The following BCO1 variants were observed in gnomAD, a reference collection of about 807,000 sequenced individuals.
BCO1 encodes the protein beta,beta-carotene 15,15'-dioxygenase.
BCO1 carries 54 observed loss-of-function variants against 56.3 expected under a neutral mutation model. The observed-to-expected ratio is 0.96, with a 90% CI of 0.77 to 1.20. The LOEUF (loss-of-function observed/expected upper bound fraction) is 1.20. BCO1 is among the 50% of genes most tolerant of loss of function. The probability of loss-of-function intolerance (pLI) is 0.00; values close to 1 mark genes in which losing one functional copy is unlikely to be tolerated. For missense variants in BCO1, 801 were observed against 690.9 expected, an observed-to-expected ratio of 1.16 and a Z score of -1.79; for synonymous variants, 318 against 266.1, an observed-to-expected ratio of 1.20 and a Z score of -1.90.
chr16:81,257,807 G>A lies in BCO1; in HGVS notation c.194-1869G>A, dbSNP rs1240152265. On this transcript the variant is annotated intron_variant, in intron 2 of 10. Coordinates refer to ENST00000258168, the MANE Select transcript of BCO1 (RefSeq NM_017429.3). ...AGGCAGGAGAATCTTTTGAACCAGA[G>A]AGGCTGAGCTTGCAGTGAGCCAAGA... 7.3e-5 allele frequency among the ~76,000 whole-genome samples: 11 copies of A among 151,146 alleles called. No individual in the cohort carries two copies. In the East Asian group the frequency reaches 2.2e-3, roughly 30 times the overall value.
At chr16:81,270,499 A>T in intron 7 of BCO1, 83 bp downstream of exon 7, 1 of 1,569,160 alleles carries the variant, frequency 6.4e-7, no homozygotes, top group East Asian at 2.2e-5. Context: ...TATTTGATTG[A>T]CATTGAAATC....
chr16:81,261,645 C>T (rs1462843801), intron 3 of BCO1, among the ~76,000 whole-genome samples: 1 of 152,180 alleles, frequency 6.6e-6, no homozygotes, highest in East Asian at 1.9e-4. Context: ...TCTTAGCTAA[C>T]TCAACGTGGA....
chr16:81,250,705 G>T, intron 2 of BCO1, among the ~76,000 whole-genome samples: 1 of 150,314 alleles, frequency 6.7e-6, no homozygotes, highest in Admixed American at 6.7e-5. Flanking sequence ...CTCGGCCTCT[G>T]GAGTAGCTAG....
intron 1 of BCO1, among the ~76,000 whole-genome samples, chr16:81,240,140 A>G (rs935553276): frequency 1.4e-4 from 22 of 151,766 alleles, no homozygotes; most frequent in Non-Finnish European, 4.4e-5. Flanking sequence ...ATCAATCTGT[A>G]TATATATATA....
chr16:81,241,045 G>C (rs1905082854), intron 1 of BCO1, among the ~76,000 whole-genome samples: 1 of 152,178 alleles, frequency 6.6e-6, no homozygotes, highest in East Asian at 1.9e-4. Flanking sequence ...TGTTGGTCAG[G>C]CTGGTCGCAA....
intron 2 of BCO1, among the ~76,000 whole-genome samples, chr16:81,246,488 C>T (rs1905424069): frequency 6.6e-6 from 1 of 152,026 alleles, no homozygotes; most frequent in Non-Finnish European, 1.5e-5. Context: ...TATACATCCT[C>T]AATCAGGTAG....
chr16:81,247,127 T>G (rs1357507534), intron 2 of BCO1, among the ~76,000 whole-genome samples: 1 of 152,162 alleles, frequency 6.6e-6, no homozygotes, highest in African/African-American at 2.4e-5. Flanking sequence ...CCAGGATGGA[T>G]TTAGCGGGCT....
chr16:81,252,886 A>G (rs1486039622), intron 2 of BCO1, among the ~76,000 whole-genome samples: 1 of 151,974 alleles, frequency 6.6e-6, no homozygotes, highest in Non-Finnish European at 1.5e-5. Flanking sequence ...TGCCCACCTC[A>G]CCACTTGAGG....
chr16:81,286,655 C>G (rs1908196829), intron 9 of BCO1, among the ~76,000 whole-genome samples: 1 of 151,522 alleles, frequency 6.6e-6, no homozygotes, highest in South Asian at 2.1e-4. Flanking sequence ...TCGAGACCAG[C>G]TTGGTCAACA....
At chr16:81,264,136 C>A in intron 4 of BCO1, 1 of 182,796 alleles carries the variant, frequency 5.5e-6, no homozygotes, top group Non-Finnish European at 1.2e-5. Context: ...CTCTCCATTC[C>A]CAGAATAATC....
Position 81,245,564 on chromosome 16 carries a change from G to C in BCO1, c.154G>C (p.Asp52His). The C allele has an allele frequency of 6.2e-7, 1 of 1,614,204 alleles. No individual in the cohort carries two copies. The change falls in exon 2 of 11, where the codon GAC (aspartate) becomes CAC (histidine). Residue 52 changes from aspartate to histidine, a missense_variant. Physicochemically the swap from Asp to His is moderately conservative, Grantham distance 81. Coordinates refer to ENST00000258168, the MANE Select transcript of BCO1 (RefSeq NM_017429.3). ...VGESRYNHWF[D>H]GLALLHSFTI... ...GGAGTCCAGATACAACCATTGGTTC[G>C]ACGGCCTTGCCCTGCTCCACAGCTT...
chr16:81,258,781 C>T (rs975562529), intron 2 of BCO1, among the ~76,000 whole-genome samples: 17 of 152,130 alleles, frequency 1.1e-4, no homozygotes, highest in South Asian at 2.1e-4. Context: ...TACCCAAGAC[C>T]GGGTAATTTA....
At chr16:81,259,610 A>G (rs1191253138) in intron 2 of BCO1, 66 bp from the exon 3 acceptor site, 8 of 1,607,748 alleles carry the variant, frequency 5.0e-6, no homozygotes, top group Admixed American at 1.7e-5. Flanking sequence ...CCATACAAGG[A>G]CTGACATTGA....
chr16:81,272,407 C>T (rs776086398), intron 7 of BCO1, among the ~76,000 whole-genome samples: 8 of 151,946 alleles, frequency 5.3e-5, no homozygotes, highest in South Asian at 2.1e-4. Context: ...CGTGAGCCAC[C>T]GCGCCCGGCC....
intron 9 of BCO1, among the ~76,000 whole-genome samples, chr16:81,285,891 A>G (rs1908152483): frequency 6.6e-6 from 1 of 152,170 alleles, no homozygotes. Context: ...AGCACCAATT[A>G]TGGGCTACAA....
intron 5 of BCO1, 38 bp from the exon 6 acceptor site, chr16:81,267,870 C>T (rs779858419): frequency 2.3e-5 from 36 of 1,589,140 alleles, no homozygotes; most frequent in Middle Eastern, 3.6e-4. Context: ...GCAGCCAGAT[C>T]CTGCACAATT....
chr16:81,245,453 T>G (rs1010321926), intron 1 of BCO1, 22 bp from the exon 2 acceptor site: 1 of 1,614,202 alleles, frequency 6.2e-7, no homozygotes, highest in Non-Finnish European at 8.5e-7. Flanking sequence ...AACGGGAAAC[T>G]AAACATTCTC....
intron 2 of BCO1, 52 bp from the exon 3 acceptor site, chr16:81,259,624 T>C (rs1253252742): frequency 1.9e-6 from 3 of 1,613,384 alleles, no homozygotes; most frequent in African/African-American, 2.7e-5. Flanking sequence ...ACATTGATTT[T>C]AAAGCCCTGT....
At chr16:81,243,727 C>A (rs997615802) in intron 1 of BCO1, among the ~76,000 whole-genome samples, 1 of 152,186 alleles carries the variant, frequency 6.6e-6, no homozygotes, top group African/African-American at 2.4e-5. Flanking sequence ...CCTCACCTCC[C>A]AAAGTGCTGG....
Sources: gnomAD v4.1 joint callset for allele counts (sites outside exome capture counted in the v4.1 genomes callset) on GRCh38, gnomAD v4.1.1 for gene constraint, MANE v1.5 for transcripts, NCBI Gene and HGNC (gene_info 2026-07-23, HGNC 2026-07-21) for gene names.